MAGI2: variants seen among roughly 807,000 people sequenced by gnomAD.
MAGI2 encodes the protein membrane associated guanylate kinase, WW and PDZ domain containing 2.
In MAGI2, 35 loss-of-function variants were observed where a neutral mutation model predicts 133.3. That is an observed-to-expected ratio of 0.26 (90% confidence interval 0.20 to 0.35). The LOEUF is 0.35. Among genes scored for constraint, MAGI2 ranks in the 10% least tolerant of loss-of-function variants. The probability of loss-of-function intolerance (pLI) is 1.00; values close to 1 mark genes in which losing one functional copy is unlikely to be tolerated. For missense variants in MAGI2, 1,636 were observed against 1,863.4 expected, an observed-to-expected ratio of 0.88 and a Z score of 2.25; for synonymous variants, 729 against 710.6, an observed-to-expected ratio of 1.03 and a Z score of -0.41.
At chr7:78,443,994 G>A (rs906682527) in intron 6 of MAGI2, among the ~76,000 whole-genome samples, 2 of 151,934 alleles carry the variant, frequency 1.3e-5, no homozygotes, top group African/African-American at 2.4e-5. Context: ...TTACTTGAGC[G>A]CCACTAGAGT....
At chr7:79,015,020 T>C (rs1441143356) in intron 1 of MAGI2, among the ~76,000 whole-genome samples, 1 of 152,244 alleles carries the variant, frequency 6.6e-6, no homozygotes, top group Non-Finnish European at 1.5e-5. Flanking sequence ...TTGAAATATC[T>C]TCATTCATAA....
At chr7:78,547,515 ATTC>A (rs1798950768) in intron 3 of MAGI2, among the ~76,000 whole-genome samples, 1 of 152,160 alleles carries the variant, frequency 6.6e-6, no homozygotes, top group Non-Finnish European at 1.5e-5. Context: ...TTCATTCTTC[ATTC>A]ATTCATTCGT....
At chr7:79,103,390 C>G (rs1418002307) in intron 1 of MAGI2, among the ~76,000 whole-genome samples, 1 of 152,114 alleles carries the variant, frequency 6.6e-6, no homozygotes. Flanking sequence ...GGGCTTTCCA[C>G]TGAGCTCTGG....
chr7:79,367,406 G>T (rs1842770368), intron 1 of MAGI2, among the ~76,000 whole-genome samples: 1 of 152,084 alleles, frequency 6.6e-6, no homozygotes, highest in South Asian at 2.1e-4. Context: ...AAACAAAATG[G>T]AGTGATTTTG....
chr7:79,133,296 T>C (rs909664012), intron 1 of MAGI2, among the ~76,000 whole-genome samples: 8 of 152,190 alleles, frequency 5.3e-5, no homozygotes, highest in African/African-American at 1.4e-4. Context: ...TATATTTCAG[T>C]CTTTGATCCA....
At chr7:79,020,194 C>T (rs138668404) in intron 1 of MAGI2, among the ~76,000 whole-genome samples, 1,619 of 152,184 alleles carry the variant, frequency 0.011, 14 homozygotes, top group Non-Finnish European at 0.018. Context: ...GCATTTTGTT[C>T]CTACCTTAGA....
chr7:78,557,097 AAAAG>A (rs1554473310), intron 3 of MAGI2, among the ~76,000 whole-genome samples: 28 of 139,002 alleles, frequency 2.0e-4, no homozygotes, highest in African/African-American at 7.7e-4. Flanking sequence ...AAAAAAAAAA[AAAAG>A]AAAAAGAAAA....
chr7:79,051,816 C>T (rs1812698402), intron 1 of MAGI2, among the ~76,000 whole-genome samples: 1 of 151,944 alleles, frequency 6.6e-6, no homozygotes, highest in Non-Finnish European at 1.5e-5. Context: ...CTAAATTTAA[C>T]CATTAGTAAG....
chr7:78,530,192 GAGT>G (rs1343483147), intron 3 of MAGI2, among the ~76,000 whole-genome samples: 2 of 152,126 alleles, frequency 1.3e-5, no homozygotes, highest in African/African-American at 4.8e-5. Flanking sequence ...TGAGAAAACT[GAGT>G]AAACACCAAA....
chr7:78,869,913 T>G (rs959606154), intron 2 of MAGI2, among the ~76,000 whole-genome samples: 1 of 152,200 alleles, frequency 6.6e-6, no homozygotes, highest in Non-Finnish European at 1.5e-5. Flanking sequence ...AGTATTTGGC[T>G]TTATTTCTGG....
Position 78,413,498 on chromosome 7 carries a change from C to T in MAGI2, c.1046-44285G>A, listed in dbSNP as rs117427918. On this transcript the variant is annotated intron_variant, in intron 6 of 21. Coordinates refer to ENST00000354212, the MANE Select transcript of MAGI2 (RefSeq NM_012301.4). ...GTAAGTTCAGCTCTGCATATATTAA[C>T]ATTAAGATCCCATTAGTGGAAATGC... is the stretch of plus-strand genomic sequence containing the variant. 4.9e-3 allele frequency among the ~76,000 whole-genome samples: 741 copies of T among 152,056 alleles called. 4 individuals carry two copies. The highest frequency in any genetic ancestry group is 5.9e-3 in the Non-Finnish European group (400 of 67,932).
At chr7:78,340,705 C>G (rs1790279860) in intron 9 of MAGI2, among the ~76,000 whole-genome samples, 1 of 152,138 alleles carries the variant, frequency 6.6e-6, no homozygotes, top group Non-Finnish European at 1.5e-5. Flanking sequence ...ATGACAAAAA[C>G]CACATGATTA....
intron 2 of MAGI2, among the ~76,000 whole-genome samples, chr7:78,880,255 A>T (rs370561055): frequency 6.6e-6 from 1 of 152,222 alleles, no homozygotes; most frequent in African/African-American, 2.4e-5. Flanking sequence ...AATAAATATC[A>T]ACAAGGCACA....
At chr7:78,881,474 T>C (rs968979245) in intron 2 of MAGI2, among the ~76,000 whole-genome samples, 29 of 151,916 alleles carry the variant, frequency 1.9e-4, no homozygotes, top group Non-Finnish European at 3.4e-4. Flanking sequence ...ATATACCTAA[T>C]GTAAATGACG....
At position 79,214,442 on chromosome 7, in the gene MAGI2, T is replaced by TATATATAA. The variant is rs1374232866; in HGVS notation, c.302-207237_302-207236insTTATATAT. Among the ~76,000 whole-genome samples the TATATATAA allele has an allele frequency of 3.3e-4, 37 of 110,600 alleles. 1 individual carries two copies. The highest frequency in any genetic ancestry group is 5.7e-4 in the Non-Finnish European group (30 of 53,046). 72.6% of individuals were successfully genotyped at this position (110,600 alleles called of 152,430 possible). A position where few individuals can be genotyped will look rare whatever the true frequency, so the allele number is the denominator to read the frequency against. The stretch of plus-strand genomic sequence containing the variant: ...ATATATATATATATATATATATATA[T>TATATATAA]AAATATGCACACACACACAAACATA... On this transcript the variant is annotated intron_variant, in intron 1 of 21. Transcript: ENST00000354212.
chr7:78,280,044 T>C (rs185201154), intron 9 of MAGI2, among the ~76,000 whole-genome samples: 1 of 152,270 alleles, frequency 6.6e-6, no homozygotes, highest in Non-Finnish European at 1.5e-5. Context: ...CATGGCAAGT[T>C]TGCCGCCTTC....
At chr7:79,005,770 C>T (rs1807374567) in intron 2 of MAGI2, among the ~76,000 whole-genome samples, 1 of 152,154 alleles carries the variant, frequency 6.6e-6, no homozygotes, top group Non-Finnish European at 1.5e-5. Context: ...AGTTCAGTCA[C>T]TTACTTTAAT....
chr7:79,441,864 C>T (rs1408224052), intron 1 of MAGI2, among the ~76,000 whole-genome samples: 1 of 151,902 alleles, frequency 6.6e-6, no homozygotes, highest in African/African-American at 2.4e-5. Flanking sequence ...TTGCAATATA[C>T]CGTATATTCA....
intron 1 of MAGI2, among the ~76,000 whole-genome samples, chr7:79,128,800 T>C (rs979136777): frequency 1.3e-5 from 2 of 152,214 alleles, no homozygotes; most frequent in African/African-American, 4.8e-5. Context: ...AAACCTATCA[T>C]CGTAAGTTGA....
Sources: allele counts gnomAD v4.1 joint callset (sites outside exome capture counted in the v4.1 genomes callset), GRCh38; gene constraint gnomAD v4.1.1; transcripts MANE v1.5; gene names NCBI Gene and HGNC (gene_info 2026-07-23, HGNC 2026-07-21).